WDFY4: variants seen among roughly 807,000 people sequenced by gnomAD.
The protein encoded by WDFY4 is WDFY family member 4, also known as WD repeat- and FYVE domain-containing protein 4.
Under a neutral mutation model 351.9 loss-of-function variants are expected in WDFY4, and 169 were observed. That is an observed-to-expected ratio of 0.48 (90% CI 0.42 to 0.55). The LOEUF is 0.55. Among genes scored for constraint, WDFY4 ranks in the 20% least tolerant of loss-of-function variants. The pLI is 0.00. For synonymous variants in WDFY4, 1,622 were observed against 1,574.6 expected, an observed-to-expected ratio of 1.03 and a Z score of -0.71; for missense variants, 3,803 against 3,935.6, an observed-to-expected ratio of 0.97 and a Z score of 0.90.
intron 27 of WDFY4, among the ~76,000 whole-genome samples, chr10:48,806,911 A>G (rs1371479198): frequency 1.3e-5 from 2 of 152,244 alleles, no homozygotes; most frequent in Non-Finnish European, 2.9e-5. Context: ...CGGCTACTCT[A>G]TTGGACAAGG....
At chr10:48,709,468 A>G (rs2063712798) in intron 1 of WDFY4, among the ~76,000 whole-genome samples, 1 of 152,164 alleles carries the variant, frequency 6.6e-6, no homozygotes, top group Admixed American at 6.5e-5. Context: ...GCTGTAGGAG[A>G]GTCTGTCTGA....
intron 43 of WDFY4, among the ~76,000 whole-genome samples, chr10:48,880,877 C>T (rs1051814160): frequency 2.9e-5 from 4 of 137,654 alleles, no homozygotes; most frequent in South Asian, 2.5e-4. Context: ...GATGCAGGCC[C>T]GGGGAGGTGG....
chr10:48,740,723 G>A (rs896246255), intron 11 of WDFY4, among the ~76,000 whole-genome samples: 2 of 152,234 alleles, frequency 1.3e-5, no homozygotes, highest in East Asian at 3.9e-4. Flanking sequence ...GGTGGCCTGG[G>A]AAGTCAATTT....
chr10:48,706,580 G>A (rs1184043653), intron 1 of WDFY4, among the ~76,000 whole-genome samples: 1 of 152,162 alleles, frequency 6.6e-6, no homozygotes, highest in Non-Finnish European at 1.5e-5. Flanking sequence ...TTACACATAG[G>A]GAAGCTCGAG....
intron 39 of WDFY4, among the ~76,000 whole-genome samples, chr10:48,834,919 C>A (rs1447247626): frequency 6.6e-6 from 1 of 152,212 alleles, no homozygotes; most frequent in African/African-American, 2.4e-5. Context: ...ATGTTTAGGG[C>A]CACATAGGTG....
chr10:48,858,276 T>G (rs1033941774), intron 39 of WDFY4, among the ~76,000 whole-genome samples: 1 of 152,252 alleles, frequency 6.6e-6, no homozygotes, highest in African/African-American at 2.4e-5. Flanking sequence ...ATGGCAGTCT[T>G]AATATAAAAT....
chr10:48,772,404 C>T (rs1415682315), intron 13 of WDFY4, among the ~76,000 whole-genome samples: 2 of 150,864 alleles, frequency 1.3e-5, no homozygotes, highest in Non-Finnish European at 2.9e-5. Context: ...TGTATGGACG[C>T]GTGTGCGTGT....
chr10:48,694,344 C>G (rs1034004892), intron 1 of WDFY4, among the ~76,000 whole-genome samples: 1 of 152,150 alleles, frequency 6.6e-6, no homozygotes, highest in Admixed American at 6.5e-5. Context: ...AGCCCAGCCT[C>G]TCCTGTGGCT....
At chr10:48,851,662 T>A (rs2068962192) in intron 39 of WDFY4, among the ~76,000 whole-genome samples, 1 of 152,276 alleles carries the variant, frequency 6.6e-6, no homozygotes, top group Non-Finnish European at 1.5e-5. Flanking sequence ...ATTACAGGAC[T>A]AATGATGCTT....
chr10:48,736,755 C>T (rs1302230662), intron 11 of WDFY4, among the ~76,000 whole-genome samples: 1 of 152,152 alleles, frequency 6.6e-6, no homozygotes, highest in Non-Finnish European at 1.5e-5. Context: ...GGGCAGGTTG[C>T]TATGGGAACA....
intron 61 of WDFY4, among the ~76,000 whole-genome samples, chr10:48,981,750 G>A (rs1842815510): frequency 6.6e-6 from 1 of 152,202 alleles, no homozygotes; most frequent in Admixed American, 6.5e-5. Context: ...AGAAATCCAA[G>A]AGGTATAAGT....
chr10:48,779,725 G>C (rs2066156253), intron 18 of WDFY4, among the ~76,000 whole-genome samples: 1 of 152,216 alleles, frequency 6.6e-6, no homozygotes, highest in Non-Finnish European at 1.5e-5. Context: ...CATGACATGA[G>C]TTGATATTTG....
At chr10:48,701,186 C>T (rs1179639568) in intron 1 of WDFY4, among the ~76,000 whole-genome samples, 1 of 152,216 alleles carries the variant, frequency 6.6e-6, no homozygotes, top group Non-Finnish European at 1.5e-5. Context: ...CAGCATTCGT[C>T]CTTTTGTGAC....
Position 48,768,723 on chromosome 10 carries a change from A to AAGAGAGAG in WDFY4, c.2554-5709_2554-5702dup, listed in dbSNP as rs71026224. ...CGGTGTTGTGGGGGTGGGAGAGGAG[A>AAGAGAGAG]AGAGAGAGAGAGAGAGAGAGAGAGA... On this transcript the variant is annotated intron_variant, in intron 13 of 61. Coordinates refer to ENST00000325239, the MANE Select transcript of WDFY4 (RefSeq NM_001394531.1). Among the ~76,000 whole-genome samples, 1,052 of 140,998 alleles carry AAGAGAGAG rather than the reference A, an allele frequency of 7.5e-3. 8 individuals are homozygous for AAGAGAGAG. The highest frequency in any genetic ancestry group is 0.016 in the East Asian group (69 of 4,338). The allele number at this position is 140,998 out of a possible 152,430, so 92.5% of individuals were successfully genotyped here.
rs562521268 is a variant in WDFY4, at chr10:48,727,828, C to T, written c.971+169C>T. ...GTGCAGACAGGCATGGGGACCACTT[C>T]CTTAGAGAATCAGTAGTTTTACAAA... is the stretch of plus-strand genomic sequence containing the variant. On this transcript the variant is annotated intron_variant, in intron 7 of 61. Coordinates refer to ENST00000325239, the MANE Select transcript of WDFY4 (RefSeq NM_001394531.1). Among the ~76,000 whole-genome samples, 10 of 152,330 alleles carry T rather than the reference C, an allele frequency of 6.6e-5. No homozygotes were observed. The South Asian group carries it at 2.1e-3, about 32-fold the overall frequency.
chr10:48,775,205 C>A (rs942120908), intron 14 of WDFY4, among the ~76,000 whole-genome samples: 1 of 152,092 alleles, frequency 6.6e-6, no homozygotes, highest in Non-Finnish European at 1.5e-5. Context: ...AGGGAGCAGA[C>A]GTGGAAGACA....
intron 39 of WDFY4, among the ~76,000 whole-genome samples, chr10:48,858,149 A>T (rs1285648021): frequency 2.6e-5 from 4 of 152,142 alleles, no homozygotes; most frequent in Admixed American, 6.5e-5. Context: ...CCTTTGATGG[A>T]TATGTGTCTT....
At chr10:48,741,595 T>G (rs2064852916) in intron 11 of WDFY4, among the ~76,000 whole-genome samples, 2 of 152,016 alleles carry the variant, frequency 1.3e-5, no homozygotes, top group Non-Finnish European at 2.9e-5. Context: ...TTTTCTGAGC[T>G]ACCAGTTTTC....
intron 12 of WDFY4, among the ~76,000 whole-genome samples, chr10:48,757,847 T>A (rs1043463764): frequency 2.0e-5 from 3 of 152,044 alleles, no homozygotes; most frequent in African/African-American, 7.2e-5. Flanking sequence ...CATTTTACTA[T>A]TTCAAATGGA....
Sources: gnomAD v4.1 joint callset for allele counts (sites outside exome capture counted in the v4.1 genomes callset) on GRCh38, gnomAD v4.1.1 for gene constraint, MANE v1.5 for transcripts, NCBI Gene and HGNC (gene_info 2026-07-23, HGNC 2026-07-21) for gene names.